The following PCCA variants were observed in gnomAD, a reference collection of about 807,000 sequenced individuals.
PCCA encodes propionyl-CoA carboxylase subunit alpha, also known as propionyl-CoA carboxylase alpha chain, mitochondrial.
A neutral mutation model predicts 101.3 loss-of-function variants in PCCA; 74 were observed. The observed-to-expected ratio is 0.73, with a 90% CI of 0.61 to 0.89. The LOEUF is 0.89. PCCA is among the 40% of genes least tolerant of loss of function. The pLI, the probability that PCCA is intolerant of heterozygous loss-of-function variation, is 0.00. For synonymous variants in PCCA, 294 were observed against 313.6 expected (o/e 0.94, Z 0.66); for missense variants, 891 against 907.0 (o/e 0.98, Z 0.23).
intron 12 of PCCA, among the ~76,000 whole-genome samples, chr13:100,276,453 A>C (rs557319786): frequency 1.3e-5 from 2 of 152,170 alleles, no homozygotes; most frequent in African/African-American, 2.4e-5. Context: ...AATTCATTGA[A>C]TATTTTGTCT....
intron 19 of PCCA, among the ~76,000 whole-genome samples, chr13:100,415,166 G>A (rs1422718552): frequency 1.3e-5 from 2 of 150,994 alleles, no homozygotes; most frequent in Non-Finnish European, 2.9e-5. Flanking sequence ...CACTTTGGAA[G>A]GCTCAGGTGA....
intron 22 of PCCA, among the ~76,000 whole-genome samples, chr13:100,521,974 T>G (rs1248835908): frequency 6.6e-6 from 1 of 152,164 alleles, no homozygotes. Flanking sequence ...AAATTCTTCC[T>G]CCCACCCACC....
At chr13:100,340,858 T>A (rs1319431688) in intron 18 of PCCA, among the ~76,000 whole-genome samples, 2 of 152,196 alleles carry the variant, frequency 1.3e-5, no homozygotes, top group African/African-American at 4.8e-5. Context: ...TTTAAAGGAA[T>A]CATGCTGTTG....
intron 8 of PCCA, among the ~76,000 whole-genome samples, chr13:100,246,516 C>G (rs2061435996): frequency 6.6e-6 from 1 of 152,082 alleles, no homozygotes; most frequent in South Asian, 2.1e-4. Flanking sequence ...TTTGTAGAGA[C>G]AGGGTTTTGC....
At chr13:100,450,345 G>A (rs2081137029) in intron 21 of PCCA, among the ~76,000 whole-genome samples, 2 of 151,696 alleles carry the variant, frequency 1.3e-5, no homozygotes, top group Middle Eastern at 3.2e-3. Flanking sequence ...AGTGAGCCAC[G>A]ATTGTGCCAC....
chr13:100,144,318 T>G (rs1016772700), intron 4 of PCCA, among the ~76,000 whole-genome samples: 1 of 152,100 alleles, frequency 6.6e-6, no homozygotes, highest in Admixed American at 6.6e-5. Flanking sequence ...CCAGCAAAAA[T>G]ATTGGATAAT....
chr13:100,415,829 A>G (rs1380691204), intron 19 of PCCA, among the ~76,000 whole-genome samples: 2 of 152,204 alleles, frequency 1.3e-5, no homozygotes, highest in Non-Finnish European at 2.9e-5. Flanking sequence ...TTGTTTTGTA[A>G]GTTTTACATT....
intron 4 of PCCA, among the ~76,000 whole-genome samples, chr13:100,152,269 C>T (rs573516635): frequency 1.3e-5 from 2 of 151,866 alleles, no homozygotes; most frequent in African/African-American, 4.8e-5. Flanking sequence ...CCTTTATAAA[C>T]AATTTGTGTT....
In PCCA at chr13:100,515,556, C is replaced by T. The variant is rs1186782750; in HGVS notation, c.2029C>T (p.Pro677Ser). 2 of 1,613,712 alleles carry T rather than the reference C, an allele frequency of 1.2e-6. No individual in the cohort carries two copies. Among genetic ancestry groups the T allele is most frequent in the East Asian group, 4.5e-5 (2 of 44,892 alleles). ...PGVVVAVSVK[P>S]GDAVAEGQEI... ...AGTGGTGGTGGCCGTCTCTGTCAAG[C>T]CTGGAGACGCGGTAAGGGCTGTGTG... Residue 677 changes from proline to serine, a missense_variant, in exon 22 of 24, where the codon CCT becomes TCT. Coordinates refer to ENST00000376285, the MANE Select transcript of PCCA (RefSeq NM_000282.4).
At chr13:100,089,433 G>C (rs1593999847) in intron 1 of PCCA, among the ~76,000 whole-genome samples, 1 of 152,256 alleles carries the variant, frequency 6.6e-6, no homozygotes, top group Non-Finnish European at 1.5e-5. Flanking sequence ...TGTTCCTCGC[G>C]GGGATCCTGC....
At chr13:100,120,634 G>C (rs189941189) in intron 4 of PCCA, among the ~76,000 whole-genome samples, 1 of 152,084 alleles carries the variant, frequency 6.6e-6, no homozygotes, top group African/African-American at 2.4e-5. Context: ...TGAATCCAGG[G>C]GATGAGGCTA....
intron 16 of PCCA, 74 bp downstream of exon 16, chr13:100,309,982 C>A: frequency 9.4e-7 from 1 of 1,065,776 alleles, no homozygotes; most frequent in South Asian, 1.3e-5. Context: ...GGGGGTTTAC[C>A]AATGAGAATA....
intron 15 of PCCA, 36 bp from the exon 16 acceptor site, chr13:100,309,797 A>G: frequency 8.0e-7 from 1 of 1,250,226 alleles, no homozygotes; most frequent in Non-Finnish European, 1.2e-6. Context: ...TTCTAAATAT[A>G]TATATATATT....
At chr13:100,259,257 G>A (rs1018349215) in intron 9 of PCCA, among the ~76,000 whole-genome samples, 1 of 151,462 alleles carries the variant, frequency 6.6e-6, no homozygotes, top group Non-Finnish European at 1.5e-5. Context: ...ATGTTTTTTG[G>A]GGGGAAGTAG....
chr13:100,416,269 A>G (rs908603189), intron 19 of PCCA, among the ~76,000 whole-genome samples: 6 of 151,710 alleles, frequency 4.0e-5, no homozygotes, highest in Admixed American at 3.3e-4. Flanking sequence ...GCTCACTGCA[A>G]CCTCCACCTC....
chr13:100,271,594 A>G (rs1384318756), intron 11 of PCCA, among the ~76,000 whole-genome samples: 1 of 152,230 alleles, frequency 6.6e-6, no homozygotes, highest in Non-Finnish European at 1.5e-5. Context: ...AAGAGTCTTA[A>G]GATACAAAAG....
At chr13:100,471,891 C>T (rs1167948523) in intron 21 of PCCA, among the ~76,000 whole-genome samples, 1 of 152,122 alleles carries the variant, frequency 6.6e-6, no homozygotes, top group African/African-American at 2.4e-5. Flanking sequence ...TGGGCCTTGT[C>T]TCTTGTGACA....
At chr13:100,157,365 TG>T in intron 6 of PCCA, 25 bp downstream of exon 6, 2 of 1,527,186 alleles carry the variant, frequency 1.3e-6, no homozygotes, top group Admixed American at 3.3e-5. Context: ...AACCAGAAAC[TG>T]TTCATTTCTT....
chr13:100,309,766 A>G, intron 15 of PCCA, 67 bp from the exon 16 acceptor site: 1 of 1,032,332 alleles, frequency 9.7e-7, no homozygotes, highest in African/African-American at 1.6e-5. Context: ...AATTTTTACT[A>G]AAATGAATCA....
Sources: allele counts gnomAD v4.1 joint callset (sites outside exome capture counted in the v4.1 genomes callset), GRCh38; gene constraint gnomAD v4.1.1; transcripts MANE v1.5; gene names NCBI Gene and HGNC (gene_info 2026-07-23, HGNC 2026-07-21).